The following PCDHGA8 variants were observed in gnomAD, a reference collection of about 807,000 sequenced individuals.
PCDHGA8 encodes protocadherin gamma subfamily A, 8.
A neutral mutation model predicts 59.2 loss-of-function variants in PCDHGA8; 45 were observed. The ratio of observed to expected loss-of-function variants is 0.76; its 90% confidence interval spans 0.60 to 0.98. The LOEUF is 0.98. Among genes scored for constraint, PCDHGA8 ranks in the 50% least tolerant of loss-of-function variants. PCDHGA8 has a pLI of 0.00. For synonymous variants in PCDHGA8, 531 were observed against 519.0 expected (o/e 1.02, Z -0.32); for missense variants, 1,257 against 1,196.2 (o/e 1.05, Z -0.75).
At chr5:141,448,114 A>G (rs1483138819) in intron 1 of PCDHGA8, among the ~76,000 whole-genome samples, 1 of 151,948 alleles carries the variant, frequency 6.6e-6, no homozygotes, top group Non-Finnish European at 1.5e-5. Flanking sequence ...AGAAAAGAAA[A>G]TTAGCCTCCC....
Position 141,487,341 on chromosome 5 carries a change from TC to T in PCDHGA8, c.2425-7465del, listed in dbSNP as rs778559139. Reference sequence around the variant, plus strand: ...TGTCTTCGTGGGGCAGCCTGTGGAGTCACATGCTTTCCTGCTGGCACCTGTG... The same window carrying T: ...TGTCTTCGTGGGGCAGCCTGTGGAGTACATGCTTTCCTGCTGGCACCTGTG... On this transcript the variant is annotated intron_variant, in intron 1 of 3. Transcript: ENST00000398604. This position sits in a 1 kb window ranked among gnomAD's most constrained non-coding sequence, Gnocchi z 5.0. 1 of 1,614,012 alleles carries T rather than the reference TC, an allele frequency of 6.2e-7. No homozygotes were observed. The highest frequency in any genetic ancestry group is 1.1e-5 in the South Asian group (1 of 91,074).
At chr5:141,414,098 C>A in intron 1 of PCDHGA8, 1 of 1,594,212 alleles carries the variant, frequency 6.3e-7, no homozygotes, top group Non-Finnish European at 8.5e-7. Flanking sequence ...ATAAAAATAT[C>A]AGAAAATCTA....
intron 1 of PCDHGA8, chr5:141,413,097 C>T (rs531228946): frequency 1.4e-6 from 2 of 1,447,922 alleles, no homozygotes; most frequent in African/African-American, 1.4e-5. Flanking sequence ...CACCCTGAAG[C>T]CACAGAAAGA....
intron 1 of PCDHGA8, among the ~76,000 whole-genome samples, chr5:141,438,216 T>A (rs2097938802): frequency 6.6e-6 from 1 of 152,158 alleles, no homozygotes; most frequent in Non-Finnish European, 1.5e-5. Flanking sequence ...TGGGAAGGGC[T>A]CTGGTTCAGG....
At chr5:141,415,574 A>G (rs1168111069) in intron 1 of PCDHGA8, 3 of 1,614,066 alleles carry the variant, frequency 1.9e-6, no homozygotes, top group Non-Finnish European at 8.5e-7. Flanking sequence ...TTGTTAGATG[A>G]TTCGAAGTTT....
At chr5:141,433,381 A>ATCTG (rs1561869478) in intron 1 of PCDHGA8, among the ~76,000 whole-genome samples, 2 of 151,148 alleles carry the variant, frequency 1.3e-5, no homozygotes, top group Non-Finnish European at 2.9e-5. Flanking sequence ...CTATCTATCT[A>ATCTG]TCTATCTATC....
intron 1 of PCDHGA8, chr5:141,403,315 A>G (rs1268267002): frequency 6.2e-7 from 1 of 1,613,974 alleles, no homozygotes; most frequent in Non-Finnish European, 8.5e-7. Flanking sequence ...GAATAGAAAT[A>G]GAAGTAACTG....
intron 1 of PCDHGA8, chr5:141,417,942 C>T (rs1324501154): frequency 2.5e-6 from 4 of 1,613,090 alleles, no homozygotes; most frequent in South Asian, 1.1e-5. Context: ...TTCTACCCCA[C>T]GCTGTGTGAG....
intron 1 of PCDHGA8, among the ~76,000 whole-genome samples, chr5:141,494,512 C>T (rs2154591503): frequency 6.6e-6 from 1 of 152,276 alleles, no homozygotes; most frequent in Middle Eastern, 3.4e-3. Context: ...AATTTTGGCT[C>T]AGGAGTTCTG....
chr5:141,448,545 A>T lies in PCDHGA8; in HGVS notation c.2425-46262A>T, dbSNP rs537259621. On this transcript the variant is annotated intron_variant, in intron 1 of 3. Coordinates refer to ENST00000398604, the MANE Select transcript of PCDHGA8 (RefSeq NM_032088.2). ...AGCATCCTGTCAGCATTTCTTATGC[A>T]AATATGTACATATATTTTTATTTCC... 1.5e-4 allele frequency among the ~76,000 whole-genome samples: 23 copies of T among 152,334 alleles called. 1 individual carries two copies. The South Asian group carries it at 2.7e-3, about 18-fold the overall frequency.
At chr5:141,410,849 C>CTTTTTTGTTTTTTTTTTTTTTT (rs2095433183) in intron 1 of PCDHGA8, 1 of 129,786 alleles carries the variant, frequency 7.7e-6, no homozygotes, top group African/African-American at 6.0e-5. Flanking sequence ...TTGTCTTTGT[C>CTTTTTTGTTTTTTTTTTTTTTT]TTTTTTTTTT....
intron 1 of PCDHGA8, among the ~76,000 whole-genome samples, chr5:141,451,804 C>G (rs914303400): frequency 9.2e-5 from 14 of 151,946 alleles, no homozygotes; most frequent in African/African-American, 3.4e-4. Context: ...TTGCTTGAAC[C>G]CAGGAGGCGG....
intron 1 of PCDHGA8, among the ~76,000 whole-genome samples, chr5:141,444,732 A>G (rs2098445644): frequency 6.6e-6 from 1 of 152,194 alleles, no homozygotes; most frequent in Admixed American, 6.6e-5. Context: ...CTTTGTTGAA[A>G]GTCATTTCAC....
chr5:141,394,228 T>C lies in PCDHGA8; in HGVS notation c.1415T>C (p.Phe472Ser), dbSNP rs1236057008. The change falls in exon 1 of 4, where the codon TTT becomes TCT. Residue 472 changes from phenylalanine (F) to serine (S), a missense_variant. Physicochemically the swap from Phe to Ser is radical, Grantham distance 155. Transcript: ENST00000398604. ...LENNLRGASI[F>S]SLTAHDPDSQ... ...AACAACCTGAGAGGAGCCTCCATCT[T>C]TTCCTTGACTGCACACGACCCCGAC... is the stretch of plus-strand genomic sequence containing the variant. 3.7e-6 allele frequency: 6 copies of C among 1,613,886 alleles called. No individual in the cohort carries two copies. The South Asian group carries it at 4.4e-5, about 12-fold the overall frequency.
At chr5:141,422,470 T>G in intron 1 of PCDHGA8, 1 of 1,613,440 alleles carries the variant, frequency 6.2e-7, no homozygotes, top group South Asian at 1.1e-5. Flanking sequence ...GGACAGGGAG[T>G]TGGTCCAGAG....
chr5:141,468,648 C>G (rs60206946), intron 1 of PCDHGA8: 27,626 of 151,800 alleles, frequency 0.18, 2,687 homozygotes, highest in Admixed American at 0.28. Flanking sequence ...GGGCGGATCA[C>G]AAGGTCAGGA....
chr5:141,501,228 A>G (rs1054674676), intron 2 of PCDHGA8, among the ~76,000 whole-genome samples: 10 of 149,588 alleles, frequency 6.7e-5, no homozygotes, highest in African/African-American at 2.5e-4. Context: ...TAGATTTCTC[A>G]GTTTTTTGAG....
chr5:141,421,425 C>T, intron 1 of PCDHGA8: 1 of 1,614,100 alleles, frequency 6.2e-7, no homozygotes, highest in Non-Finnish European at 8.5e-7. Context: ...GCGGAGTCCG[C>T]ATCGTCTCCA....
Position 141,394,154 on chromosome 5 carries a change from C to A in PCDHGA8, c.1341C>A (p.Asp447Glu), listed in dbSNP as rs770076493. The A allele has an allele frequency of 6.2e-7, 1 of 1,613,918 alleles. No individual in the cohort carries two copies. Among genetic ancestry groups the A allele is most frequent in the Admixed American group, 1.7e-5 (1 of 60,000 alleles). ...QIALHVADIN[D>E]NPPTFPHASY... The stretch of plus-strand genomic sequence containing the variant: ...CTCTGCACGTGGCAGACATTAACGA[C>A]AACCCTCCTACTTTCCCTCATGCCT... Residue 447 changes from aspartate to glutamate, a missense_variant, in exon 1 of 4, where the codon GAC (aspartate) becomes GAA (glutamate). By Grantham distance (45) the Asp-to-Glu change is conservative. Transcript: ENST00000398604.
Sources: gnomAD v4.1 joint callset for allele counts (sites outside exome capture counted in the v4.1 genomes callset) on GRCh38, gnomAD v4.1.1 for gene constraint, Gnocchi (gnomAD v3.1) non-coding constraint, MANE v1.5 for transcripts, NCBI Gene and HGNC (gene_info 2026-07-23, HGNC 2026-07-21) for gene names.